Variants in HACE1 observed in about 807,000 individuals in gnomAD.
HACE1 encodes HECT domain and ankyrin repeat containing E3 ubiquitin protein ligase 1.
A neutral mutation model predicts 118.4 loss-of-function variants in HACE1; 73 were observed. The ratio of observed to expected loss-of-function variants is 0.62; its 90% CI spans 0.51 to 0.75. The LOEUF is 0.75. Ranked by LOEUF, HACE1 falls within the 30% of genes least tolerant of loss-of-function variation. The pLI, the probability that HACE1 is intolerant of heterozygous loss-of-function variation, is 0.00. For synonymous variants in HACE1, 368 were observed against 374.8 expected, an observed-to-expected ratio of 0.98 and a Z score of 0.21; for missense variants, 749 against 1,102.2, an observed-to-expected ratio of 0.68 and a Z score of 4.54.
chr6:104,750,907 CAT>C (rs1256598684), intron 19 of HACE1, among the ~76,000 whole-genome samples: 1 of 152,152 alleles, frequency 6.6e-6, no homozygotes, highest in Non-Finnish European at 1.5e-5. Context: ...CATAGATATA[CAT>C]GTGTGTGTAT....
At chr6:104,791,480 A>G in intron 11 of HACE1, 24 bp downstream of exon 11, 1 of 1,589,094 alleles carries the variant, frequency 6.3e-7, no homozygotes, top group Non-Finnish European at 8.6e-7. Context: ...CTATCTTCCT[A>G]ACAATGCCAT....
chr6:104,840,434 T>A (rs1214383421), intron 5 of HACE1, among the ~76,000 whole-genome samples: 1 of 152,144 alleles, frequency 6.6e-6, no homozygotes, highest in African/African-American at 2.4e-5. Context: ...AATAGCCTCA[T>A]CTTCCAGAAA....
chr6:104,734,058 C>A (rs1355260090), intron 22 of HACE1, among the ~76,000 whole-genome samples: 1 of 142,230 alleles, frequency 7.0e-6, no homozygotes, highest in Non-Finnish European at 1.5e-5. Flanking sequence ...AGGGCTTAGG[C>A]AGGAGAATCA....
intron 4 of HACE1, among the ~76,000 whole-genome samples, chr6:104,844,462 G>T (rs183658751): frequency 1.3e-5 from 2 of 151,202 alleles, no homozygotes; most frequent in Admixed American, 1.3e-4. Context: ...TTCTGTCTCA[G>T]CCTCTCGAGT....
chr6:104,795,825 A>C, intron 9 of HACE1, 140 bp from the exon 10 acceptor site: 1 of 631,996 alleles, frequency 1.6e-6, no homozygotes, highest in Non-Finnish European at 2.8e-6. Flanking sequence ...ATAAGTTTAA[A>C]AGCTAATATA....
chr6:104,799,889 G>A (rs1230846567), intron 7 of HACE1, among the ~76,000 whole-genome samples: 5 of 88,358 alleles, frequency 5.7e-5, no homozygotes, highest in African/African-American at 1.2e-4. Context: ...TGGACAGTAG[G>A]TGCAGCCCAC....
intron 6 of HACE1, among the ~76,000 whole-genome samples, chr6:104,817,788 T>A (rs1169256683): frequency 1.3e-5 from 2 of 152,222 alleles, no homozygotes; most frequent in Non-Finnish European, 2.9e-5. Context: ...GTTCACTACT[T>A]GACTGAGCAG....
rs1783022008 is a variant in HACE1 at position 104,791,528 on chromosome 6, T to TG, written c.1049_1050insC (p.Lys350AsnfsTer20). 1.9e-6 allele frequency: 3 copies of TG among 1,613,384 alleles called. No homozygotes were observed. The highest frequency in any genetic ancestry group is 2.5e-6 in the Non-Finnish European group (3 of 1,179,396). Reference sequence around the variant, plus strand: ...CCTTGAACACCTGGCTTCTTGGAGTTTTATTCCCATTGTAGCCCATATCAA... The same window carrying TG: ...CCTTGAACACCTGGCTTCTTGGAGTTGTTATTCCCATTGTAGCCCATATCAA... On this transcript the variant is annotated frameshift_variant, in exon 11 of 24. Coordinates refer to ENST00000262903, the MANE Select transcript of HACE1 (RefSeq NM_020771.4). LOFTEE classifies it high-confidence loss of function.
At chr6:104,808,679 G>A (rs189292990) in intron 7 of HACE1, among the ~76,000 whole-genome samples, 31 of 151,928 alleles carry the variant, frequency 2.0e-4, no homozygotes, top group African/African-American at 6.5e-4. Flanking sequence ...CTTTATCTTA[G>A]AGCCCTATAA....
intron 7 of HACE1, among the ~76,000 whole-genome samples, chr6:104,801,328 C>T (rs1770323143): frequency 6.6e-6 from 1 of 152,156 alleles, no homozygotes; most frequent in Admixed American, 6.5e-5. Flanking sequence ...CCCAACCTAG[C>T]AAGGCAAGCC....
At chr6:104,793,930 G>A (rs1055854713) in intron 10 of HACE1, among the ~76,000 whole-genome samples, 1 of 152,210 alleles carries the variant, frequency 6.6e-6, no homozygotes, top group Non-Finnish European at 1.5e-5. Flanking sequence ...TAAGTGGTGA[G>A]AGAGCACAGT....
At chr6:104,811,825 G>C (rs989929976) in intron 6 of HACE1, among the ~76,000 whole-genome samples, 2 of 151,996 alleles carry the variant, frequency 1.3e-5, no homozygotes, top group Non-Finnish European at 2.9e-5. Flanking sequence ...AATTTAAATT[G>C]CTTTAAATAC....
Position 104,843,301 on chromosome 6 carries a change from GA to G in HACE1, c.327-4del. 7.0e-7 allele frequency: 1 copy of G among 1,434,242 alleles called. No homozygotes were observed. The highest frequency in any genetic ancestry group is 9.8e-7 in the Non-Finnish European group (1 of 1,017,448). The allele number at this position is 1,434,242 out of a possible 1,614,324, so 88.8% of individuals were successfully genotyped here. A position where few individuals can be genotyped will look rare whatever the true frequency, so the allele number is the denominator to read the frequency against. ...ATTTACTCATACATTTCTTCTGCCT[GA>G]AAAGAAAAAAGAGTCATGGATAACT... is the stretch of plus-strand genomic sequence containing the variant. On this transcript the variant is annotated splice_polypyrimidine_tract_variant and splice_region_variant and intron_variant, in intron 4 of 23. Transcript: ENST00000262903.
intron 22 of HACE1, chr6:104,731,727 A>G (rs568793385): frequency 8.2e-4 from 125 of 152,234 alleles, no homozygotes; most frequent in Middle Eastern, 3.4e-3. Context: ...CTCAAAATGG[A>G]TTGAAGACCT....
At chr6:104,851,102 G>A (rs531433276) in intron 2 of HACE1, 106 bp from the exon 3 acceptor site, 37 of 738,864 alleles carry the variant, frequency 5.0e-5, no homozygotes, top group Non-Finnish European at 8.6e-5. Flanking sequence ...TTTGTTTGTT[G>A]AGACAAGAGT....
chr6:104,737,282 CAAA>C (rs59915070), intron 22 of HACE1, among the ~76,000 whole-genome samples: 15 of 42,710 alleles, frequency 3.5e-4, no homozygotes, highest in African/African-American at 9.5e-4. Flanking sequence ...GACTCTCTCT[CAAA>C]AAAAAAAAAA....
intron 2 of HACE1, among the ~76,000 whole-genome samples, chr6:104,852,096 C>T (rs549796820): frequency 3.3e-5 from 5 of 152,218 alleles, no homozygotes; most frequent in African/African-American, 1.2e-4. Context: ...TAAAATGTTA[C>T]AGCTCATATA....
intron 10 of HACE1, among the ~76,000 whole-genome samples, chr6:104,792,577 A>G (rs1562380746): frequency 6.6e-6 from 1 of 152,196 alleles, no homozygotes; most frequent in Non-Finnish European, 1.5e-5. Context: ...GAGTTGCATG[A>G]ACTTCTGCGC....
intron 19 of HACE1, among the ~76,000 whole-genome samples, chr6:104,760,552 A>G (rs908893133): frequency 1.3e-5 from 2 of 152,196 alleles, no homozygotes; most frequent in Non-Finnish European, 2.9e-5. Flanking sequence ...TCTCAAAGTA[A>G]TAAGAGCTAT....
Sources: gnomAD v4.1 joint callset for allele counts (sites outside exome capture counted in the v4.1 genomes callset) on GRCh38, gnomAD v4.1.1 for gene constraint, MANE v1.5 for transcripts, NCBI Gene and HGNC (gene_info 2026-07-23, HGNC 2026-07-21) for gene names.